The following MID1 variants were observed in gnomAD, a reference collection of about 807,000 sequenced individuals.
MID1 encodes midline 1.
MID1 carries 7 observed loss-of-function variants against 40.4 expected under a neutral mutation model. The observed-to-expected ratio is 0.17, with a 90% CI of 0.10 to 0.33. MID1 has a LOEUF of 0.33. Among genes scored for constraint, MID1 ranks in the 10% least tolerant of loss-of-function variants. The pLI, the probability that MID1 is intolerant of heterozygous loss-of-function variation, is 1.00. For synonymous variants in MID1, 229 were observed against 221.2 expected, an observed-to-expected ratio of 1.04 and a Z score of -0.31; for missense variants, 367 against 558.5, an observed-to-expected ratio of 0.66 and a Z score of 3.46.
At chrX:10,746,987 G>T (rs1030890302) in intron 1 of MID1, among the ~76,000 whole-genome samples, 1 of 110,989 alleles carries the variant, frequency 9.0e-6, no homozygotes, top group Non-Finnish European at 1.9e-5. Context: ...TGAAAATAGC[G>T]TGAGTTGCTA....
At chrX:10,748,434 A>G (rs1355778848) in intron 1 of MID1, among the ~76,000 whole-genome samples, 1 of 112,354 alleles carries the variant, frequency 8.9e-6, no homozygotes, top group African/African-American at 3.2e-5. Flanking sequence ...CAACCAACTC[A>G]GGAAAAGGTC....
intron 1 of MID1, among the ~76,000 whole-genome samples, chrX:10,573,782 G>A (rs1457656964): frequency 8.9e-6 from 1 of 112,062 alleles, no homozygotes; most frequent in Non-Finnish European, 1.9e-5. Flanking sequence ...TGACTGCTAG[G>A]CTTGTATCCC....
chrX:10,828,895 A>G (rs1391232074), intron 1 of MID1, among the ~76,000 whole-genome samples: 2 of 112,196 alleles, frequency 1.8e-5, no homozygotes, highest in Admixed American at 9.4e-5. Context: ...AGACATGACC[A>G]TTTTCAATAC....
intron 2 of MID1, among the ~76,000 whole-genome samples, chrX:10,564,793 C>A (rs1299246757): frequency 9.0e-6 from 1 of 110,963 alleles, no homozygotes; most frequent in Non-Finnish European, 1.9e-5. Context: ...AAATATCAAG[C>A]CTGGGAGTTG....
At chrX:10,525,067 G>A (rs185545414) in intron 2 of MID1, among the ~76,000 whole-genome samples, 58 of 112,223 alleles carry the variant, frequency 5.2e-4, no homozygotes, top group Non-Finnish European at 7.5e-4. Flanking sequence ...AGAGGATTTA[G>A]AAAGAGTTTG....
chrX:10,586,351 G>A (rs1377182303), intron 1 of MID1, among the ~76,000 whole-genome samples: 1 of 111,485 alleles, frequency 9.0e-6, no homozygotes, highest in Non-Finnish European at 1.9e-5. Flanking sequence ...GACTGAAGCA[G>A]GGCTTGTCGT....
At chrX:10,669,944 C>T (rs748055122) in intron 1 of MID1, among the ~76,000 whole-genome samples, 1 of 111,713 alleles carries the variant, frequency 9.0e-6, no homozygotes, top group South Asian at 3.8e-4. Flanking sequence ...AATATGGAGT[C>T]CTTCCTCAGT....
chrX:10,764,977 T>C (rs1602563889), intron 1 of MID1, among the ~76,000 whole-genome samples: 1 of 112,205 alleles, frequency 8.9e-6, no homozygotes, highest in East Asian at 2.8e-4. Flanking sequence ...CATACACCAT[T>C]TTTATTTAGC....
chrX:10,789,184 C>T (rs1415191501), intron 1 of MID1, among the ~76,000 whole-genome samples: 1 of 109,483 alleles, frequency 9.1e-6, no homozygotes, highest in Admixed American at 1.0e-4. Flanking sequence ...CAGACCAAGA[C>T]CCTGTATAAA....
intron 1 of MID1, among the ~76,000 whole-genome samples, chrX:10,568,182 T>C (rs959612806): frequency 8.9e-6 from 1 of 111,865 alleles, no homozygotes; most frequent in Admixed American, 9.5e-5. Context: ...TGTTTAAGTG[T>C]GGGATGTCAT....
chrX:10,580,491 T>C (rs778906933), intron 1 of MID1, among the ~76,000 whole-genome samples: 1 of 111,345 alleles, frequency 9.0e-6, no homozygotes, highest in East Asian at 2.8e-4. Context: ...ATTAATATAG[T>C]ATACCGCTTT....
chrX:10,655,065 A>C (rs2042861106), intron 1 of MID1, among the ~76,000 whole-genome samples: 1 of 112,336 alleles, frequency 8.9e-6, no homozygotes, highest in Non-Finnish European at 1.9e-5. Flanking sequence ...TGGGGAAATA[A>C]ATCAAATTTT....
At chrX:10,465,469 A>C (rs955167067) in intron 7 of MID1, among the ~76,000 whole-genome samples, 1 of 108,861 alleles carries the variant, frequency 9.2e-6, no homozygotes, top group African/African-American at 3.3e-5. Context: ...CACTTTTATT[A>C]CTCCTGTTTT....
intron 1 of MID1, among the ~76,000 whole-genome samples, chrX:10,727,150 T>C (rs1333452790): frequency 8.9e-6 from 1 of 112,544 alleles, no homozygotes; most frequent in Admixed American, 9.4e-5. Context: ...GTTTCACTCT[T>C]GTTGCCCAGG....
chrX:10,833,111 G>A (rs751355555), intron 1 of MID1, among the ~76,000 whole-genome samples: 114 of 112,312 alleles, frequency 1.0e-3, no homozygotes, highest in African/African-American at 3.5e-3. Context: ...AATGAAAAAT[G>A]ATACCTTCAG....
chrX:10,691,652 T>C lies in MID1; in HGVS notation c.-186-71233A>G, dbSNP rs369916302. ...TATTGTACAAATTGATTGTAAAATA[T>C]GTGTGTTTAAACAATATGAAATCAG... On this transcript the variant is annotated intron_variant, in intron 1 of 10. Transcript: ENST00000380785. Among the ~76,000 whole-genome samples the C allele has an allele frequency of 9.8e-5, 11 of 111,829 alleles. No homozygotes were observed. The East Asian group carries it at 1.7e-3, about 17-fold the overall frequency.
At chrX:10,452,706 T>G (rs764574754) in intron 9 of MID1, among the ~76,000 whole-genome samples, 19 of 112,232 alleles carry the variant, frequency 1.7e-4, no homozygotes, top group Non-Finnish European at 3.0e-4. Flanking sequence ...TTTTCTGAAA[T>G]TGACACCGTC....
chrX:10,516,871 C>T (rs902886869), intron 3 of MID1, among the ~76,000 whole-genome samples: 5 of 110,357 alleles, frequency 4.5e-5, no homozygotes, highest in Middle Eastern at 4.3e-3. Context: ...CTGCCTTGGC[C>T]GCCCAAAGTA....
chrX:10,810,692 T>TTC (rs1156962149), intron 1 of MID1, among the ~76,000 whole-genome samples: 3 of 82,139 alleles, frequency 3.7e-5, no homozygotes, highest in African/African-American at 1.4e-4. Context: ...GCTTGTTGTT[T>TTC]TCTCTGTGTG....
Sources: allele counts gnomAD v4.1 joint callset (sites outside exome capture counted in the v4.1 genomes callset), GRCh38; gene constraint gnomAD v4.1.1; transcripts MANE v1.5; gene names NCBI Gene and HGNC (gene_info 2026-07-23, HGNC 2026-07-21).